CWC27: variants seen among roughly 807,000 people sequenced by gnomAD.
The protein encoded by CWC27 is spliceosome-associated protein CWC27 homolog.
CWC27 carries 47 observed loss-of-function variants against 63.6 expected under a neutral mutation model. The ratio of observed to expected loss-of-function variants is 0.74; its 90% CI spans 0.58 to 0.94. CWC27 has a LOEUF of 0.94. Ranked by LOEUF, CWC27 falls within the 40% of genes least tolerant of loss-of-function variation. The pLI, the probability that CWC27 is intolerant of heterozygous loss-of-function variation, is 0.00. For missense variants in CWC27, 495 were observed against 554.3 expected (o/e 0.89, Z 1.07); for synonymous variants, 175 against 179.8 (o/e 0.97, Z 0.22).
chr5:64,897,439 C>A (rs2112359143), intron 11 of CWC27, among the ~76,000 whole-genome samples: 1 of 152,226 alleles, frequency 6.6e-6, no homozygotes, highest in East Asian at 1.9e-4. Context: ...TTTGCAGGGA[C>A]ATGGATGAAG....
At chr5:64,894,494 C>G (rs2112355604) in intron 11 of CWC27, among the ~76,000 whole-genome samples, 1 of 151,708 alleles carries the variant, frequency 6.6e-6, no homozygotes, top group South Asian at 2.1e-4. Context: ...TTTTGGAGAG[C>G]ACATTATTAT....
intron 10 of CWC27, among the ~76,000 whole-genome samples, chr5:64,879,945 A>G (rs1306105749): frequency 6.6e-6 from 1 of 152,006 alleles, no homozygotes; most frequent in Non-Finnish European, 1.5e-5. Flanking sequence ...AAATTATTTT[A>G]TACAATAGCC....
intron 10 of CWC27, among the ~76,000 whole-genome samples, chr5:64,821,008 A>G (rs938949191): frequency 1.3e-4 from 20 of 152,128 alleles, no homozygotes; most frequent in Non-Finnish European, 2.9e-4. Flanking sequence ...CAATATTTGC[A>G]AACCATATAT....
At chr5:64,872,299 T>C (rs1746692406) in intron 10 of CWC27, among the ~76,000 whole-genome samples, 1 of 152,184 alleles carries the variant, frequency 6.6e-6, no homozygotes, top group South Asian at 2.1e-4. Flanking sequence ...CATGCATAAC[T>C]GGTTCAGGAC....
At chr5:64,934,237 T>C (rs1217861480) in intron 11 of CWC27, among the ~76,000 whole-genome samples, 1 of 152,200 alleles carries the variant, frequency 6.6e-6, no homozygotes, top group East Asian at 1.9e-4. Flanking sequence ...TTTCTCCTAA[T>C]GCTATTTCTC....
chr5:65,016,277 C>A (rs751070631), intron 13 of CWC27, among the ~76,000 whole-genome samples: 3 of 152,052 alleles, frequency 2.0e-5, no homozygotes, highest in Admixed American at 1.3e-4. Context: ...TCAGCAACTC[C>A]ACATGTGAAA....
At chr5:64,853,104 G>A (rs2112299583) in intron 10 of CWC27, among the ~76,000 whole-genome samples, 1 of 152,248 alleles carries the variant, frequency 6.6e-6, no homozygotes, top group East Asian at 1.9e-4. Context: ...GACAGAATCA[G>A]GATTGGTGAG....
intron 10 of CWC27, among the ~76,000 whole-genome samples, chr5:64,880,544 G>T (rs1243326712): frequency 6.6e-6 from 1 of 151,920 alleles, no homozygotes; most frequent in East Asian, 1.9e-4. Flanking sequence ...CCAGTACCCA[G>T]AATGTTACCA....
chr5:64,894,576 G>A (rs982697776), intron 11 of CWC27, among the ~76,000 whole-genome samples: 16 of 152,198 alleles, frequency 1.1e-4, no homozygotes, highest in Non-Finnish European at 1.8e-4. Context: ...TTATGTAATG[G>A]AACACATCAA....
At chr5:64,964,062 T>A (rs1748968941) in intron 11 of CWC27, among the ~76,000 whole-genome samples, 1 of 152,248 alleles carries the variant, frequency 6.6e-6, no homozygotes, top group South Asian at 2.1e-4. Context: ...GTGGCCAGCT[T>A]TTCTGACCTC....
At chr5:64,957,780 C>T (rs1748830997) in intron 11 of CWC27, among the ~76,000 whole-genome samples, 1 of 152,116 alleles carries the variant, frequency 6.6e-6, no homozygotes, top group Non-Finnish European at 1.5e-5. Flanking sequence ...TAACCCTGCT[C>T]CTCAAGGAGC....
At chr5:64,923,601 C>A (rs1188791821) in intron 11 of CWC27, among the ~76,000 whole-genome samples, 4 of 145,080 alleles carry the variant, frequency 2.8e-5, no homozygotes, top group African/African-American at 1.0e-4. Context: ...AGAGGTTTTT[C>A]CTGGCTGTAT....
intron 10 of CWC27, among the ~76,000 whole-genome samples, chr5:64,840,164 A>G (rs1412549592): frequency 1.3e-5 from 2 of 151,590 alleles, no homozygotes; most frequent in East Asian, 3.9e-4. Flanking sequence ...TAGTGTGCCA[A>G]GTAGAGAAGT....
At chr5:65,010,904 C>G (rs988076359) in intron 13 of CWC27, among the ~76,000 whole-genome samples, 1 of 152,172 alleles carries the variant, frequency 6.6e-6, no homozygotes, top group African/African-American at 2.4e-5. Flanking sequence ...TTAATACTAT[C>G]AAGGAGCAAG....
intron 6 of CWC27, among the ~76,000 whole-genome samples, chr5:64,787,396 G>A (rs1056734120): frequency 1.3e-5 from 2 of 152,188 alleles, no homozygotes; most frequent in African/African-American, 4.8e-5. Context: ...ATATAAATGA[G>A]TTGTTGAGAA....
chr5:64,831,823 T>C (rs1307142690), intron 10 of CWC27, among the ~76,000 whole-genome samples: 1 of 151,960 alleles, frequency 6.6e-6, no homozygotes, highest in Non-Finnish European at 1.5e-5. Context: ...TGAGTGGTTT[T>C]ATTTTACATT....
At chr5:64,811,993 G>T (rs1206295225) in intron 10 of CWC27, among the ~76,000 whole-genome samples, 2 of 151,876 alleles carry the variant, frequency 1.3e-5, no homozygotes. Flanking sequence ...TTTTTCCCCA[G>T]AATTTCTAGA....
chr5:64,903,145 T>C (rs58462165), intron 11 of CWC27, among the ~76,000 whole-genome samples: 11,647 of 152,148 alleles, frequency 0.077, 1,472 homozygotes, highest in African/African-American at 0.26. Flanking sequence ...GAACCGGAAA[T>C]ACCATTTGAC....
intron 10 of CWC27, among the ~76,000 whole-genome samples, chr5:64,829,886 A>G (rs544831655): frequency 1.1e-3 from 173 of 150,796 alleles, no homozygotes; most frequent in South Asian, 2.3e-3. Context: ...AAGTGAGAAC[A>G]TGCTGTGTTT....
Sources: allele counts gnomAD v4.1 joint callset (sites outside exome capture counted in the v4.1 genomes callset), GRCh38; gene constraint gnomAD v4.1.1; transcripts MANE v1.5; gene names NCBI Gene and HGNC (gene_info 2026-07-23, HGNC 2026-07-21).